CPLX2: variants seen among roughly 807,000 people sequenced by gnomAD.
The protein encoded by CPLX2 is complexin-2.
Under a neutral mutation model 16.3 loss-of-function variants are expected in CPLX2, and 5 were observed. That is an observed-to-expected ratio of 0.31 (90% CI 0.16 to 0.64). CPLX2 has a LOEUF of 0.64. Ranked by LOEUF, CPLX2 falls within the 30% of genes least tolerant of loss-of-function variation. The pLI, the probability that CPLX2 is intolerant of heterozygous loss-of-function variation, is 0.79. For missense variants in CPLX2, 144 were observed against 181.4 expected (o/e 0.79, Z 1.18); for synonymous variants, 89 against 73.2 (o/e 1.22, Z -1.10).
rs957794179 is a variant in CPLX2, at chr5:175,872,665, C to T, written c.-89+960C>T. The T allele has an allele frequency of 6.6e-6, 1 of 152,258 alleles. No homozygotes were observed. The highest frequency in any genetic ancestry group is 1.5e-5 in the Non-Finnish European group (1 of 68,062). The allele number at this position is 152,258 out of a possible 1,614,324, so 9.4% of individuals were successfully genotyped here. A position where few individuals can be genotyped will look rare whatever the true frequency, so the allele number is the denominator to read the frequency against. On this transcript the variant is annotated intron_variant, in intron 1 of 3. Coordinates refer to ENST00000393745, the MANE Select transcript of CPLX2 (RefSeq NM_001008220.2). The surrounding 1 kb of genome is among the most constrained non-coding windows in gnomAD (Gnocchi z 5.0). ...ATCCTCCGCTGCCCCTCCCCTCCCC[C>T]ATGCGTCTCCCATCCCGGGCCACGG... is the stretch of plus-strand genomic sequence containing the variant.
Position 175,849,399 on chromosome 5 carries a change from C to T in CPLX2, c.-88-29253C>T, listed in dbSNP as rs1561782869. ...GACTGATGTCACAAAGAACCAGAAT[C>T]TTCCTTAGGCCAAGAAACATGGACC... On this transcript the variant is annotated intron_variant, in intron 2 of 4. Coordinates refer to the CPLX2 transcript ENST00000359546. The surrounding 1 kb of genome is among the most constrained non-coding windows in gnomAD (Gnocchi z 4.4). Among the ~76,000 whole-genome samples the T allele has an allele frequency of 6.6e-6, 1 of 152,200 alleles. No individual in the cohort carries two copies. The highest frequency in any genetic ancestry group is 1.5e-5 in the Non-Finnish European group (1 of 68,040).
chr5:175,799,546 A>ATATTTATATATATT (rs1348959103), intron 1 of CPLX2, among the ~76,000 whole-genome samples: 9,941 of 107,350 alleles, frequency 0.093, 739 homozygotes, highest in East Asian at 0.17. Context: ...TTTCATATAT[A>ATATTTATATATATT]TATATATATA....
intron 2 of CPLX2, among the ~76,000 whole-genome samples, chr5:175,840,859 T>C (rs935903767): frequency 7.2e-5 from 11 of 152,216 alleles, no homozygotes; most frequent in African/African-American, 2.4e-4. Flanking sequence ...GACAAGACTT[T>C]TTTTTATAGC....
At chr5:175,799,204 C>T (rs1308530540) in intron 1 of CPLX2, among the ~76,000 whole-genome samples, 1 of 152,148 alleles carries the variant, frequency 6.6e-6, no homozygotes, top group African/African-American at 2.4e-5. Flanking sequence ...AAAGCAAGAG[C>T]TTCTCTTTCA....
intron 1 of CPLX2, among the ~76,000 whole-genome samples, chr5:175,802,854 CAG>C (rs1758125298): frequency 6.6e-6 from 1 of 150,858 alleles, no homozygotes. Flanking sequence ...TTTTTTGAGA[CAG>C]AGTCTCGCTC....
upstream of CPLX2, among the ~76,000 whole-genome samples, chr5:175,870,709 T>C (rs1759571134): frequency 6.6e-6 from 1 of 152,222 alleles, no homozygotes; most frequent in African/African-American, 2.4e-5. Context: ...GAAGTCCTTT[T>C]ACTTTCTTGG....
chr5:175,824,049 C>G lies in CPLX2; in HGVS notation c.-89+14981C>G, dbSNP rs987112663. 7.9e-5 allele frequency among the ~76,000 whole-genome samples: 12 copies of G among 152,278 alleles called. No homozygotes were observed. The South Asian group carries it at 2.3e-3, about 29-fold the overall frequency. On this transcript the variant is annotated intron_variant, in intron 2 of 4. Transcript: ENST00000359546. ...TCCTCCTGTCCCCAACACCCACAGG[C>G]CCCCTGCCAGCCATACAGGTCCCCT...
intron 2 of CPLX2, among the ~76,000 whole-genome samples, chr5:175,838,266 C>CTTTTTTTT (rs1156770920): frequency 5.1e-5 from 6 of 116,782 alleles, no homozygotes; most frequent in Admixed American, 9.1e-5. Context: ...CCCCTCCTGT[C>CTTTTTTTT]TTTTTTTTTT....
At chr5:175,875,752 G>A (rs1759742298) in intron 1 of CPLX2, among the ~76,000 whole-genome samples, 3 of 152,094 alleles carry the variant, frequency 2.0e-5, no homozygotes, top group Admixed American at 6.5e-5. Context: ...TGTAGACAGA[G>A]TGAACAGGAG....
intron 1 of CPLX2, among the ~76,000 whole-genome samples, chr5:175,804,068 C>T (rs1460610057): frequency 1.3e-5 from 2 of 152,082 alleles, no homozygotes; most frequent in Non-Finnish European, 1.5e-5. Context: ...AGATAAATAA[C>T]TTTTTATGCA....
chr5:175,880,341 C>T lies in CPLX2; in HGVS notation c.*296C>T. 1 of 458,750 alleles carries T rather than the reference C, an allele frequency of 2.2e-6. No individual in the cohort carries two copies. The highest frequency in any genetic ancestry group is 4.1e-6 in the Non-Finnish European group (1 of 246,574). The allele number at this position is 458,750 out of a possible 1,614,324, so 28.4% of individuals were successfully genotyped here. A position where few individuals can be genotyped will look rare whatever the true frequency, so the allele number is the denominator to read the frequency against. The stretch of plus-strand genomic sequence containing the variant: ...TCGTGCTAGTGTGGTGACCCCCATA[C>T]ATTCCTCCCTGCTCCCCACTGCCAG... On this transcript the variant is annotated 3_prime_UTR_variant, in exon 4 of 4. Transcript: ENST00000393745.
At chr5:175,807,773 G>T (rs1206689441) in intron 1 of CPLX2, among the ~76,000 whole-genome samples, 1 of 152,218 alleles carries the variant, frequency 6.6e-6, no homozygotes, top group East Asian at 1.9e-4. Flanking sequence ...AAACCACTGG[G>T]CTCGGCCCCA....
intron 2 of CPLX2, 67 bp downstream of exon 2, chr5:175,878,837 A>T (rs1581107013): frequency 6.2e-7 from 1 of 1,606,948 alleles, no homozygotes; most frequent in East Asian, 2.2e-5. Context: ...GCCTCGGCCC[A>T]CCCGGCCCCT....
At chr5:175,817,365 G>C in intron 2 of CPLX2, among the ~76,000 whole-genome samples, 1 of 152,194 alleles carries the variant, frequency 6.6e-6, no homozygotes, top group East Asian at 1.9e-4. Context: ...CTACCTCCCT[G>C]AACAACTGCG....
intron 2 of CPLX2, among the ~76,000 whole-genome samples, chr5:175,856,622 G>A (rs1475748203): frequency 6.6e-6 from 1 of 152,228 alleles, no homozygotes; most frequent in Non-Finnish European, 1.5e-5. Context: ...GTGGGCTGCG[G>A]CATGCGAGAG....
intron 2 of CPLX2, among the ~76,000 whole-genome samples, chr5:175,835,086 A>T (rs973676842): frequency 6.6e-6 from 1 of 152,216 alleles, no homozygotes; most frequent in Admixed American, 6.5e-5. Flanking sequence ...CAATTTTAAG[A>T]TATGTTTGAA....
At chr5:175,879,153 T>C in intron 3 of CPLX2, 70 bp downstream of exon 3, 4 of 1,445,954 alleles carry the variant, frequency 2.8e-6, no homozygotes, top group Non-Finnish European at 3.7e-6. Context: ...CTAAAGCCCC[T>C]GCTGGGGCTC....
chr5:175,819,312 C>G (rs764337294), intron 2 of CPLX2, among the ~76,000 whole-genome samples: 7 of 152,190 alleles, frequency 4.6e-5, no homozygotes, highest in Non-Finnish European at 7.3e-5. Flanking sequence ...CTAGCAGATA[C>G]TGTCAAATGT....
Position 175,825,021 on chromosome 5 carries a change from G to C in CPLX2, c.-89+15953G>C, listed in dbSNP as rs1758585844. Among the ~76,000 whole-genome samples the C allele has an allele frequency of 2.0e-5, 3 of 152,188 alleles. No homozygotes were observed. In the South Asian group the frequency reaches 6.2e-4, roughly 32 times the overall value. ...CCTCTGAGGAACTGGGATAGCATCTGATGGCTTGAGTGATGGTGGAGGATA... is the reference window on the plus strand; with the variant it reads ...CCTCTGAGGAACTGGGATAGCATCTCATGGCTTGAGTGATGGTGGAGGATA... On this transcript the variant is annotated intron_variant, in intron 2 of 4. Coordinates refer to the CPLX2 transcript ENST00000359546.
Sources: gnomAD v4.1 joint callset for allele counts (sites outside exome capture counted in the v4.1 genomes callset) on GRCh38, gnomAD v4.1.1 for gene constraint, Gnocchi (gnomAD v3.1) non-coding constraint, MANE v1.5 for transcripts, NCBI Gene and HGNC (gene_info 2026-07-23, HGNC 2026-07-21) for gene names.